The following NUP155 variants were observed in gnomAD, a reference collection of about 807,000 sequenced individuals.
The protein encoded by NUP155 is nuclear pore complex protein Nup155.
In NUP155, 71 loss-of-function variants were observed where a neutral mutation model predicts 180.4. The observed-to-expected ratio is 0.39, with a 90% CI of 0.33 to 0.48. The LOEUF is 0.48. Among genes scored for constraint, NUP155 ranks in the 20% least tolerant of loss-of-function variants. The probability of loss-of-function intolerance (pLI) is 0.91; values close to 1 mark genes in which losing one functional copy is unlikely to be tolerated. For missense variants in NUP155, 1,553 were observed against 1,648.9 expected, an observed-to-expected ratio of 0.94 and a Z score of 1.01; for synonymous variants, 582 against 559.5, an observed-to-expected ratio of 1.04 and a Z score of -0.57.
chr5:37,330,529 G>A (rs1376148556), intron 14 of NUP155, among the ~76,000 whole-genome samples: 4 of 152,110 alleles, frequency 2.6e-5, no homozygotes, highest in Non-Finnish European at 4.4e-5. Flanking sequence ...TAATGTATAA[G>A]GAAACTGAAG....
Position 37,371,029 on chromosome 5 carries a change from ACAAGAAAAGATC to A in NUP155, c.-64_-53del, listed in dbSNP as rs763641284. The A allele has an allele frequency of 7.6e-6, 12 of 1,587,352 alleles. No homozygotes were observed. Among genetic ancestry groups the A allele is most frequent in the Non-Finnish European group, 1.0e-5 (12 of 1,159,542 alleles). ...AGAAAAAGTCAAAAACCAAGGAGAA[ACAAGAAAAGATC>A]CAAGAAGTTAGCTTAGATCCGCCGC... is the stretch of plus-strand genomic sequence containing the variant. On this transcript the variant is annotated 5_prime_UTR_variant, in exon 1 of 35. Transcript: ENST00000231498.
chr5:37,364,030 T>TAA, intron 2 of NUP155, 46 bp from the exon 3 acceptor site: 2 of 1,415,924 alleles, frequency 1.4e-6, no homozygotes, highest in Non-Finnish European at 2.0e-6. Flanking sequence ...ATCTTATTCT[T>TAA]CTTTAACTTG....
intron 11 of NUP155, among the ~76,000 whole-genome samples, chr5:37,340,676 C>G (rs60979839): frequency 0.015 from 2,351 of 152,258 alleles, 47 homozygotes; most frequent in African/African-American, 0.046. Context: ...GCTCAGACAG[C>G]TAGATAACCA....
intron 32 of NUP155, among the ~76,000 whole-genome samples, chr5:37,297,510 C>G (rs143110309): frequency 6.6e-6 from 1 of 152,072 alleles, no homozygotes; most frequent in Non-Finnish European, 1.5e-5. Context: ...TCCCGAGTAG[C>G]TGGAACCACA....
intron 12 of NUP155, among the ~76,000 whole-genome samples, chr5:37,336,436 A>G (rs1745333123): frequency 6.6e-6 from 1 of 152,088 alleles, no homozygotes; most frequent in Admixed American, 6.6e-5. Context: ...GTCTTTTAAA[A>G]GAGTAAAGAA....
intron 10 of NUP155, 26 bp from the exon 11 acceptor site, chr5:37,341,268 C>T (rs764233860): frequency 1.0e-5 from 16 of 1,604,904 alleles, no homozygotes; most frequent in Non-Finnish European, 7.7e-6. Context: ...AATTATGCAT[C>T]AGTAATAGAA....
intron 21 of NUP155, among the ~76,000 whole-genome samples, chr5:37,317,540 T>C (rs1177056600): frequency 6.6e-6 from 1 of 151,932 alleles, no homozygotes; most frequent in Admixed American, 6.6e-5. Flanking sequence ...GGTATATATA[T>C]ATTTCACCAC....
At chr5:37,346,956 A>G (rs1390988174) in intron 9 of NUP155, among the ~76,000 whole-genome samples, 1 of 152,148 alleles carries the variant, frequency 6.6e-6, no homozygotes, top group African/African-American at 2.4e-5. Flanking sequence ...GGCCGGGTGC[A>G]GTGGCTCATG....
chr5:37,365,567 G>C (rs1330380907), intron 1 of NUP155, among the ~76,000 whole-genome samples: 1 of 151,202 alleles, frequency 6.6e-6, no homozygotes, highest in Non-Finnish European at 1.5e-5. Context: ...AATTAGCCAG[G>C]CACAGTAGCA....
At position 37,317,688 on chromosome 5, in the gene NUP155, C is replaced by CTT. The variant is rs374997987; in HGVS notation, c.2305+298_2305+299dup. Among the ~76,000 whole-genome samples the CTT allele has an allele frequency of 0.01, 1,359 of 131,260 alleles. 77 individuals carry two copies. The East Asian group carries it at 0.11, about 10-fold the overall frequency. 86.1% of individuals were successfully genotyped at this position (131,260 alleles called of 152,430 possible). A position where few individuals can be genotyped will look rare whatever the true frequency, so the allele number is the denominator to read the frequency against. ...ATATTATCCTACTTTCCCAATCACA[C>CTT]TTTTTTTTTTTTTTTTTGAGGCAGG... On this transcript the variant is annotated intron_variant, in intron 21 of 34. Coordinates refer to ENST00000231498, the MANE Select transcript of NUP155 (RefSeq NM_153485.3).
intron 24 of NUP155, among the ~76,000 whole-genome samples, chr5:37,308,451 C>T (rs894205708): frequency 1.3e-5 from 2 of 152,050 alleles, no homozygotes; most frequent in African/African-American, 2.4e-5. Flanking sequence ...GTAATCCCAG[C>T]GCTTTGGGAG....
intron 7 of NUP155, among the ~76,000 whole-genome samples, chr5:37,349,701 T>G (rs1746337830): frequency 6.6e-6 from 1 of 152,202 alleles, no homozygotes; most frequent in Non-Finnish European, 1.5e-5. Flanking sequence ...AAAATAATTT[T>G]AAAATTCAGT....
rs1197442517 is a variant in NUP155 at position 37,294,399 on chromosome 5, T to G, written c.3860A>C (p.Gln1287Pro). ...TGGTACTCCAATTTCATTCATTGTC[T>G]GTATTACGAAGCCCACATCCCAGTT... is the stretch of plus-strand genomic sequence containing the variant. The part of the protein sequence containing the change: ...TLNWDVGFVI[Q>P]TMNEIGVPLP... The change falls in exon 33 of 35, where the codon CAG becomes CCG. Residue 1287 changes from glutamine to proline, a missense_variant. By Grantham distance (76) the Gln-to-Pro change is moderately conservative. Transcript: ENST00000231498. The G allele has an allele frequency of 7.4e-6, 12 of 1,610,962 alleles. No homozygotes were observed. The highest frequency in any genetic ancestry group is 9.3e-6 in the Non-Finnish European group (11 of 1,177,132).
chr5:37,346,813 A>G (rs1375196169), intron 9 of NUP155, among the ~76,000 whole-genome samples: 1 of 152,202 alleles, frequency 6.6e-6, no homozygotes, highest in Non-Finnish European at 1.5e-5. Context: ...ATCTCAGGCA[A>G]ATCATCCCTT....
rs576946027 is a variant in NUP155 at position 37,344,594 on chromosome 5, GA to G, written c.996-1949del. Among the ~76,000 whole-genome samples, 359 of 151,358 alleles carry G rather than the reference GA, an allele frequency of 2.4e-3. 2 individuals carry two copies. Among genetic ancestry groups the G allele is most frequent in the African/African-American group, 8.4e-3 (348 of 41,374 alleles). On this transcript the variant is annotated intron_variant, in intron 9 of 34. Transcript: ENST00000231498. ...TGATATAACTGGAGAAAAATGGAAA[GA>G]AAAACAACTATAAAAGATTTCGAAG...
chr5:37,330,595 TG>T (rs1260895745), intron 14 of NUP155, among the ~76,000 whole-genome samples: 1 of 152,134 alleles, frequency 6.6e-6, no homozygotes, highest in Non-Finnish European at 1.5e-5. Flanking sequence ...TTAACACAGG[TG>T]CTTTGAATCC....
At chr5:37,351,523 T>C (rs896206641) in intron 5 of NUP155, among the ~76,000 whole-genome samples, 167 bp from the exon 6 acceptor site, 1 of 152,044 alleles carries the variant, frequency 6.6e-6, no homozygotes, top group African/African-American at 2.4e-5. Flanking sequence ...CTCAGCTCAC[T>C]GCAAGCTCTA....
chr5:37,325,875 A>C (rs761529240), intron 19 of NUP155, 26 bp downstream of exon 19: 2 of 1,486,042 alleles, frequency 1.3e-6, no homozygotes, highest in East Asian at 4.5e-5. Context: ...ACACAAAAAT[A>C]ACAAAATAAT....
intron 20 of NUP155, among the ~76,000 whole-genome samples, chr5:37,322,932 C>T (rs1179616271): frequency 6.6e-6 from 1 of 151,170 alleles, no homozygotes; most frequent in African/African-American, 2.4e-5. Context: ...GAGATTGCAC[C>T]ATTGCACTCC....
Sources: allele counts gnomAD v4.1 joint callset (sites outside exome capture counted in the v4.1 genomes callset), GRCh38; gene constraint gnomAD v4.1.1; transcripts MANE v1.5; gene names NCBI Gene and HGNC (gene_info 2026-07-23, HGNC 2026-07-21).